The following FOXP1 variants were observed in gnomAD, a reference collection of about 807,000 sequenced individuals.
The protein encoded by FOXP1 is forkhead box protein P1.
Under a neutral mutation model 98.2 loss-of-function variants are expected in FOXP1, and 15 were observed. The observed-to-expected ratio is 0.15, with a 90% CI of 0.10 to 0.24. FOXP1 has a LOEUF of 0.24. Ranked by LOEUF, FOXP1 falls within the 10% of genes least tolerant of loss-of-function variation. FOXP1 has a pLI of 1.00. For missense variants in FOXP1, 633 were observed against 848.5 expected, an observed-to-expected ratio of 0.75 and a Z score of 3.15; for synonymous variants, 371 against 314.5, an observed-to-expected ratio of 1.18 and a Z score of -1.90.
intron 5 of FOXP1, among the ~76,000 whole-genome samples, chr3:71,268,495 T>C (rs1396645856): frequency 6.6e-6 from 1 of 152,070 alleles, no homozygotes; most frequent in Non-Finnish European, 1.5e-5. Context: ...AAACCGATCT[T>C]CTTCTCTTCC....
chr3:71,310,488 A>G (rs1269878634), intron 4 of FOXP1, among the ~76,000 whole-genome samples: 3 of 152,268 alleles, frequency 2.0e-5, no homozygotes, highest in Non-Finnish European at 4.4e-5. Flanking sequence ...CTGCAGGGGC[A>G]TGCTGGAGGC....
chr3:71,373,581 C>T (rs558348564), intron 3 of FOXP1, among the ~76,000 whole-genome samples: 34 of 152,306 alleles, frequency 2.2e-4, no homozygotes, highest in Non-Finnish European at 3.8e-4. Flanking sequence ...CACTAAGCTT[C>T]ACAAAAAGCA....
At chr3:71,022,945 A>C (rs1199089202) in intron 11 of FOXP1, among the ~76,000 whole-genome samples, 1 of 152,190 alleles carries the variant, frequency 6.6e-6, no homozygotes, top group Non-Finnish European at 1.5e-5. Flanking sequence ...CGGTGTCTTC[A>C]TCATGGCTGT....
At chr3:71,550,652 C>T (rs1371293005) in intron 2 of FOXP1, among the ~76,000 whole-genome samples, 5 of 152,174 alleles carry the variant, frequency 3.3e-5, no homozygotes, top group Admixed American at 3.3e-4. Context: ...TTTCAATAAA[C>T]CCATAAGGAT....
chr3:71,314,700 G>C (rs931760879), intron 4 of FOXP1, among the ~76,000 whole-genome samples: 18 of 151,952 alleles, frequency 1.2e-4, no homozygotes, highest in Middle Eastern at 3.4e-3. Flanking sequence ...ATAAGATTGG[G>C]GTCTCACCTA....
At chr3:71,161,268 A>G (rs1464136307) in intron 6 of FOXP1, among the ~76,000 whole-genome samples, 1 of 152,180 alleles carries the variant, frequency 6.6e-6, no homozygotes, top group Non-Finnish European at 1.5e-5. Context: ...GGGCTCAGCT[A>G]GGCGATTCTT....
intron 5 of FOXP1, among the ~76,000 whole-genome samples, chr3:71,255,581 A>C (rs2068554622): frequency 6.6e-6 from 1 of 152,164 alleles, no homozygotes; most frequent in South Asian, 2.1e-4. Context: ...GAAACACTAA[A>C]TTATTGGAAT....
At chr3:70,972,745 T>A in intron 17 of FOXP1, 69 bp from the exon 18 acceptor site, 1 of 1,528,838 alleles carries the variant, frequency 6.5e-7, no homozygotes, top group East Asian at 2.3e-5. Context: ...CAGCAGTAAA[T>A]TCAGCCTAAC....
chr3:71,356,695 AG>A (rs940130158), intron 4 of FOXP1, among the ~76,000 whole-genome samples: 1 of 152,224 alleles, frequency 6.6e-6, no homozygotes, highest in African/African-American at 2.4e-5. Context: ...TTGTTCAGCC[AG>A]GAAGTGGAAA....
intron 4 of FOXP1, among the ~76,000 whole-genome samples, chr3:71,300,323 G>T (rs1483204380): frequency 6.6e-6 from 1 of 152,154 alleles, no homozygotes; most frequent in Non-Finnish European, 1.5e-5. Flanking sequence ...TTGTAGACAA[G>T]ATGCTTTCTG....
chr3:71,180,477 A>G (rs1480603574), intron 6 of FOXP1, among the ~76,000 whole-genome samples: 1 of 152,090 alleles, frequency 6.6e-6, no homozygotes, highest in African/African-American at 2.4e-5. Context: ...GAATTTAGCA[A>G]GAAAAAAAAA....
chr3:70,967,710 GTTTTT>G (rs756777959), intron 19 of FOXP1, among the ~76,000 whole-genome samples: 2 of 68,870 alleles, frequency 2.9e-5, no homozygotes, highest in African/African-American at 1.1e-4. Flanking sequence ...GTTTTTTTTT[GTTTTT>G]TTTTTTTTTT....
At position 70,972,182 on chromosome 3, in the gene FOXP1, T is replaced by C. The variant is rs1559601005; in HGVS notation, c.1652+373A>G. ...TGAGAGGTTGGTGCGAATGGCACCC[T>C]GGGATAGGAGCAGCAGCAAAGGAGA... On this transcript the variant is annotated intron_variant, in intron 18 of 20. Coordinates refer to ENST00000649528, the MANE Select transcript of FOXP1 (RefSeq NM_001349338.3). 3.3e-6 allele frequency: 5 copies of C among 1,520,294 alleles called. No homozygotes were observed. The South Asian group carries it at 6.2e-5, about 19-fold the overall frequency. 94.2% of individuals were successfully genotyped at this position (1,520,294 alleles called of 1,614,324 possible). A position where few individuals can be genotyped will look rare whatever the true frequency, so the allele number is the denominator to read the frequency against.
chr3:71,326,142 C>T (rs117876640), intron 4 of FOXP1, among the ~76,000 whole-genome samples: 4 of 152,230 alleles, frequency 2.6e-5, no homozygotes, highest in South Asian at 2.1e-4. Context: ...GAATCTGGCA[C>T]GCATTAGCAG....
At chr3:71,220,024 A>G (rs578048049) in intron 5 of FOXP1, among the ~76,000 whole-genome samples, 75 of 152,234 alleles carry the variant, frequency 4.9e-4, no homozygotes, top group African/African-American at 1.7e-3. Context: ...TGAACCTCAC[A>G]ACTCACCTCT....
intron 7 of FOXP1, among the ~76,000 whole-genome samples, chr3:71,055,219 A>C (rs2050458928): frequency 6.6e-6 from 1 of 152,208 alleles, no homozygotes; most frequent in Non-Finnish European, 1.5e-5. Flanking sequence ...ATTTTGATGA[A>C]CTAAAAATGG....
At chr3:71,312,021 C>T (rs911119093) in intron 4 of FOXP1, among the ~76,000 whole-genome samples, 2 of 152,142 alleles carry the variant, frequency 1.3e-5, no homozygotes, top group Admixed American at 6.5e-5. Flanking sequence ...TAAAACCAGG[C>T]GGGGCCCTCC....
chr3:71,023,821 T>C (rs183621622), intron 11 of FOXP1, among the ~76,000 whole-genome samples: 146 of 152,334 alleles, frequency 9.6e-4, no homozygotes, highest in Non-Finnish European at 1.4e-3. Context: ...ATCAAATATT[T>C]GTGAAATATT....
intron 4 of FOXP1, among the ~76,000 whole-genome samples, chr3:71,327,959 C>CCA (rs2076019555): frequency 1.3e-5 from 2 of 152,218 alleles, no homozygotes; most frequent in African/African-American, 4.8e-5. Flanking sequence ...AACCTCTCTA[C>CCA]ACATGACAGT....
Sources: allele counts gnomAD v4.1 joint callset (sites outside exome capture counted in the v4.1 genomes callset), GRCh38; gene constraint gnomAD v4.1.1; transcripts MANE v1.5; gene names NCBI Gene and HGNC (gene_info 2026-07-23, HGNC 2026-07-21).